Variants in USP50 observed in about 807,000 individuals in gnomAD.
USP50 encodes the protein ubiquitin specific peptidase 50.
Under a neutral mutation model 39.2 loss-of-function variants are expected in USP50, and 37 were observed. The ratio of observed to expected loss-of-function variants is 0.94; its 90% confidence interval spans 0.73 to 1.24. USP50 has a LOEUF of 1.24. USP50 is among the 50% of genes most tolerant of loss of function. The pLI, the probability that USP50 is intolerant of heterozygous loss-of-function variation, is 0.00. For missense variants in USP50, 374 were observed against 398.2 expected, an observed-to-expected ratio of 0.94 and a Z score of 0.52; for synonymous variants, 139 against 144.5, an observed-to-expected ratio of 0.96 and a Z score of 0.27.
intron 1 of USP50, among the ~76,000 whole-genome samples, chr15:50,495,017 TAAAA>T: frequency 8.8e-6 from 1 of 113,530 alleles, no homozygotes; most frequent in Non-Finnish European, 1.9e-5. Context: ...AGACTCTTTC[TAAAA>T]AAAAAAAAAA....
chr15:50,523,175 CTTT>C (rs57450027), intron 6 of USP50, among the ~76,000 whole-genome samples: 4 of 104,204 alleles, frequency 3.8e-5, no homozygotes. Context: ...AAATCAGTAG[CTTT>C]TTTTTTTTTT....
chr15:50,521,457 T>C (rs1480003614), intron 6 of USP50, among the ~76,000 whole-genome samples: 1 of 152,070 alleles, frequency 6.6e-6, no homozygotes, highest in Non-Finnish European at 1.5e-5. Flanking sequence ...AAAGAAGATC[T>C]CAACAATCTA....
chr15:50,506,546 G>A (rs1463407212), intron 6 of USP50: 1 of 152,104 alleles, frequency 6.6e-6, no homozygotes, highest in Non-Finnish European at 1.5e-5. Flanking sequence ...GGGGACTGCC[G>A]AATTAGAAAA....
At chr15:50,520,293 C>T (rs1225734337) in intron 6 of USP50, among the ~76,000 whole-genome samples, 1 of 141,628 alleles carries the variant, frequency 7.1e-6, no homozygotes, top group African/African-American at 2.5e-5. Flanking sequence ...CCTTGGGCAA[C>T]AGAGAGAGAC....
At chr15:50,500,307 A>C (rs1210731482), downstream of USP50, 1 of 153,776 alleles carries the variant, frequency 6.5e-6, no homozygotes, top group Admixed American at 6.4e-5. Context: ...ATTTTTGTTT[A>C]GCTTCATGAG....
In USP50 at chr15:50,500,859, A is replaced by AACTT. The variant is rs781102029; in HGVS notation, c.937-26_937-23dup. 4 of 1,560,370 alleles carry AACTT rather than the reference A, an allele frequency of 2.6e-6. No individual in the cohort carries two copies. In the South Asian group the frequency reaches 3.5e-5, roughly 14 times the overall value. On this transcript the variant is annotated intron_variant, in intron 6 of 6. Coordinates refer to ENST00000532404, the MANE Select transcript of USP50 (RefSeq NM_203494.5). Reference sequence around the variant, plus strand: ...GGTTCTATGGGAGAAAGGAATGTCAAACTTAGTATTCACATATGAACACTA... The same window carrying AACTT: ...GGTTCTATGGGAGAAAGGAATGTCAAACTTACTTAGTATTCACATATGAACACTA...
At chr15:50,519,088 A>T (rs1213957150) in intron 6 of USP50, among the ~76,000 whole-genome samples, 3 of 151,654 alleles carry the variant, frequency 2.0e-5, no homozygotes, top group Non-Finnish European at 1.5e-5. Context: ...GAAGTTTGAG[A>T]CTAGCCTGAG....
chr15:50,536,759 G>T (rs966582938), intron 5 of USP50, among the ~76,000 whole-genome samples: 7 of 151,832 alleles, frequency 4.6e-5, no homozygotes, highest in African/African-American at 1.7e-4. Context: ...AAGACCTATA[G>T]AAGGAAAACT....
intron 6 of USP50, chr15:50,505,986 G>A (rs1473044688): frequency 6.6e-6 from 1 of 152,264 alleles, no homozygotes; most frequent in Non-Finnish European, 1.5e-5. Context: ...GAAAACAGTA[G>A]TTCAGTGATC....
chr15:50,532,979 A>G (rs72740403), intron 5 of USP50, among the ~76,000 whole-genome samples: 8,637 of 152,190 alleles, frequency 0.057, 307 homozygotes, highest in African/African-American at 0.1. Context: ...GAGGAACCTC[A>G]GTAGAAACTT....
At chr15:50,502,139 T>C (rs532819868) in intron 6 of USP50, 2 of 152,272 alleles carry the variant, frequency 1.3e-5, no homozygotes, top group African/African-American at 4.8e-5. Flanking sequence ...ATGGAGTCTC[T>C]CTCTGTTGCC....
At chr15:50,544,279 T>C (rs1202271361) in intron 2 of USP50, among the ~76,000 whole-genome samples, 1 of 151,798 alleles carries the variant, frequency 6.6e-6, no homozygotes, top group Non-Finnish European at 1.5e-5. Flanking sequence ...GGAGGGTCAC[T>C]TGAACCCGAG....
At chr15:50,496,928 A>G (rs11637031), downstream of USP50, 139,665 of 844,032 alleles carry the variant, frequency 0.17, 13,104 homozygotes, top group Admixed American at 0.29. Flanking sequence ...TCACTTGTCT[A>G]TGCTTCTCAC....
chr15:50,541,901 C>G (rs1427480980), intron 3 of USP50, among the ~76,000 whole-genome samples: 1 of 151,922 alleles, frequency 6.6e-6, no homozygotes, highest in East Asian at 1.9e-4. Flanking sequence ...CCTTTAACTT[C>G]TAGAAAACAC....
At position 50,500,731 on chromosome 15, in the gene USP50, TCTGG is replaced by T; in HGVS notation, c.*34_*37del. On this transcript the variant is annotated 3_prime_UTR_variant, in exon 7 of 7. Transcript: ENST00000532404. Reference sequence around the variant, plus strand: ...ATCCATAGCATTTTGAACAGAAGTATCTGGAATCTCACTGACTCGTGTGTTATCA... The same window carrying T: ...ATCCATAGCATTTTGAACAGAAGTATAATCTCACTGACTCGTGTGTTATCA... 1 of 1,548,954 alleles carries T rather than the reference TCTGG, an allele frequency of 6.5e-7. No individual in the cohort carries two copies. The highest frequency in any genetic ancestry group is 1.4e-5 in the African/African-American group (1 of 73,664).
At chr15:50,535,156 CACACACACAA>C (rs2052970107) in intron 5 of USP50, among the ~76,000 whole-genome samples, 1 of 151,984 alleles carries the variant, frequency 6.6e-6, no homozygotes, top group African/African-American at 2.4e-5. Flanking sequence ...CACACACACA[CACACACACAA>C]AAATTGATAG....
At position 50,541,263 on chromosome 15, in the gene USP50, T is replaced by C. The variant is rs1354026225; in HGVS notation, c.446A>G (p.Tyr149Cys). 1 of 1,612,478 alleles carries C rather than the reference T, an allele frequency of 6.2e-7. No individual in the cohort carries two copies. The highest frequency in any genetic ancestry group is 1.3e-5 in the African/African-American group (1 of 74,998). ...LNELHEALKK[Y>C]HYSRRRSYEK... Reference sequence around the variant, plus strand: ...ATATGATCTTCTCCGGGAGTAGTGGTACTGAATCAAGGAGCAAATTTCACC... The same window carrying C: ...ATATGATCTTCTCCGGGAGTAGTGGCACTGAATCAAGGAGCAAATTTCACC... The change falls in exon 4 of 7, where the codon TAC (tyrosine) becomes TGC (cysteine). Residue 149 changes from tyrosine to cysteine, a missense_variant and splice_region_variant. Transcript: ENST00000532404.
chr15:50,497,609 G>A (rs2052467812), downstream of USP50: 2 of 153,698 alleles, frequency 1.3e-5, no homozygotes, highest in Non-Finnish European at 2.9e-5. Context: ...AATTTTTAAA[G>A]TATTTTAATG....
intron 6 of USP50, among the ~76,000 whole-genome samples, chr15:50,527,582 T>C (rs1480610830): frequency 6.6e-6 from 1 of 152,066 alleles, no homozygotes; most frequent in African/African-American, 2.4e-5. Flanking sequence ...AGCAAAGCTC[T>C]AGATGGTTTT....
Sources: gnomAD v4.1 joint callset for allele counts (sites outside exome capture counted in the v4.1 genomes callset) on GRCh38, gnomAD v4.1.1 for gene constraint, MANE v1.5 for transcripts, NCBI Gene and HGNC (gene_info 2026-07-23, HGNC 2026-07-21) for gene names.